Variants in NBEA observed in about 807,000 individuals in gnomAD.
NBEA encodes the protein lysosomal-trafficking regulator 2.
A neutral mutation model predicts 343.4 loss-of-function variants in NBEA; 44 were observed. The ratio of observed to expected loss-of-function variants is 0.13; its 90% confidence interval spans 0.10 to 0.16. NBEA has a LOEUF of 0.16. Among genes scored for constraint, NBEA ranks in the 10% least tolerant of loss-of-function variants. The pLI is 1.00. For synonymous variants in NBEA, 1,175 were observed against 1,238.7 expected (o/e 0.95, Z 1.08); for missense variants, 2,555 against 3,631.3 (o/e 0.70, Z 7.62).
At chr13:35,319,520 G>A (rs2037986332) in intron 36 of NBEA, among the ~76,000 whole-genome samples, 1 of 152,128 alleles carries the variant, frequency 6.6e-6, no homozygotes, top group South Asian at 2.1e-4. Flanking sequence ...CAATTATGCA[G>A]CCAATTTTAG....
At chr13:35,251,285 A>G in intron 34 of NBEA, 1 of 600,250 alleles carries the variant, frequency 1.7e-6, no homozygotes, top group Non-Finnish European at 2.2e-6. Context: ...TAGCAGATTC[A>G]TAGTATGCCA....
At chr13:35,607,872 G>A (rs934751894) in intron 48 of NBEA, among the ~76,000 whole-genome samples, 3 of 151,916 alleles carry the variant, frequency 2.0e-5, no homozygotes, top group African/African-American at 4.8e-5. Flanking sequence ...CATCTTCCCC[G>A]ATTTTTCCTG....
chr13:35,453,030 C>G (rs1248401473), intron 40 of NBEA, among the ~76,000 whole-genome samples: 1 of 152,204 alleles, frequency 6.6e-6, no homozygotes, highest in Non-Finnish European at 1.5e-5. Context: ...TCTATACTTG[C>G]AGCCCACACA....
intron 56 of NBEA, 48 bp from the exon 57 acceptor site, chr13:35,667,326 C>G (rs765067965): frequency 4.0e-6 from 6 of 1,509,126 alleles, no homozygotes; most frequent in Non-Finnish European, 5.5e-6. Context: ...GCTAGTATGT[C>G]GTTTGTCGTC....
chr13:34,947,746 A>G (rs965423326), intron 1 of NBEA, among the ~76,000 whole-genome samples: 1 of 152,220 alleles, frequency 6.6e-6, no homozygotes, highest in African/African-American at 2.4e-5. Flanking sequence ...ACACTGTATT[A>G]GGCAGTAATG....
intron 39 of NBEA, among the ~76,000 whole-genome samples, chr13:35,451,874 T>C (rs930230708): frequency 3.3e-5 from 5 of 152,168 alleles, no homozygotes; most frequent in African/African-American, 4.8e-5. Flanking sequence ...TCTGCCTGTT[T>C]CCTCATCTTT....
At chr13:35,058,169 T>C (rs1566221271) in intron 7 of NBEA, among the ~76,000 whole-genome samples, 1 of 152,104 alleles carries the variant, frequency 6.6e-6, no homozygotes, top group East Asian at 1.9e-4. Context: ...ATCTTAGTCT[T>C]ATTGTTTATT....
chr13:35,325,163 A>T (rs186210010), intron 36 of NBEA, among the ~76,000 whole-genome samples: 83 of 152,152 alleles, frequency 5.5e-4, no homozygotes, highest in African/African-American at 1.8e-3. Context: ...TTTTTAAAAG[A>T]ATTACTCATA....
At chr13:35,335,354 A>T (rs753220645) in intron 36 of NBEA, among the ~76,000 whole-genome samples, 1 of 152,052 alleles carries the variant, frequency 6.6e-6, no homozygotes, top group Non-Finnish European at 1.5e-5. Context: ...AAATTTGACC[A>T]TTGGCTTTTT....
At chr13:35,087,882 G>T (rs1270602696) in intron 10 of NBEA, among the ~76,000 whole-genome samples, 1 of 151,892 alleles carries the variant, frequency 6.6e-6, no homozygotes, top group Non-Finnish European at 1.5e-5. Context: ...TGAAGATTTT[G>T]AAGTAGGAGG....
At chr13:35,523,049 A>T (rs976303549) in intron 41 of NBEA, among the ~76,000 whole-genome samples, 29 of 152,206 alleles carry the variant, frequency 1.9e-4, no homozygotes, top group African/African-American at 6.0e-4. Flanking sequence ...ATATTTACAG[A>T]TGAGTCCCAA....
chr13:35,124,256 T>C (rs1371384244), intron 17 of NBEA, among the ~76,000 whole-genome samples: 1 of 150,604 alleles, frequency 6.6e-6, no homozygotes, highest in Non-Finnish European at 1.5e-5. Context: ...CGCCCTTGTT[T>C]TTTTTTTTTT....
rs75151943 is a variant in NBEA, at chr13:35,105,917, T to A, written c.1681-3373T>A. On this transcript the variant is annotated intron_variant, in intron 11 of 58. Transcript: ENST00000379939. The stretch of plus-strand genomic sequence containing the variant: ...TTTCTACAATAAAAATGAACATTTC[T>A]GATAACCTGTTCTATTATGGGCTAA... 3.2e-3 allele frequency among the ~76,000 whole-genome samples: 492 copies of A among 152,210 alleles called. 6 individuals are homozygous for A. The highest frequency in any genetic ancestry group is 0.024 in the East Asian group (125 of 5,188).
chr13:35,360,487 A>AT (rs2040748695), intron 38 of NBEA, among the ~76,000 whole-genome samples: 1 of 152,084 alleles, frequency 6.6e-6, no homozygotes, highest in Non-Finnish European at 1.5e-5. Context: ...CTCAATATAC[A>AT]AAGGAAAATC....
At chr13:35,664,607 A>T (rs574668839) in intron 55 of NBEA, among the ~76,000 whole-genome samples, 10 of 152,366 alleles carry the variant, frequency 6.6e-5, no homozygotes, top group Non-Finnish European at 1.3e-4. Flanking sequence ...CTAGGTTCGC[A>T]CTAATAAAGT....
At chr13:35,441,869 C>T (rs1303749038) in intron 39 of NBEA, among the ~76,000 whole-genome samples, 1 of 149,880 alleles carries the variant, frequency 6.7e-6, no homozygotes, top group African/African-American at 2.5e-5. Flanking sequence ...GGTAATGTCA[C>T]TTACTGTGCA....
At chr13:35,605,435 AT>A (rs2082245305) in intron 47 of NBEA, among the ~76,000 whole-genome samples, 1 of 152,108 alleles carries the variant, frequency 6.6e-6, no homozygotes, top group Admixed American at 6.6e-5. Context: ...GGTGGTTTTA[AT>A]TTTTTCTATG....
At chr13:35,139,743 C>CTTTT (rs1566350012) in intron 17 of NBEA, among the ~76,000 whole-genome samples, 1 of 55,134 alleles carries the variant, frequency 1.8e-5, no homozygotes, top group Non-Finnish European at 3.4e-5. Context: ...TGATGGATGG[C>CTTTT]GTTTTTTTTT....
At chr13:35,647,224 GA>G (rs1246354029) in intron 51 of NBEA, among the ~76,000 whole-genome samples, 2 of 152,010 alleles carry the variant, frequency 1.3e-5, no homozygotes, top group Admixed American at 6.6e-5. Context: ...AATTTCTTTA[GA>G]ATTTTTTTTA....
Sources: gnomAD v4.1 joint callset for allele counts (sites outside exome capture counted in the v4.1 genomes callset) on GRCh38, gnomAD v4.1.1 for gene constraint, MANE v1.5 for transcripts, NCBI Gene and HGNC (gene_info 2026-07-23, HGNC 2026-07-21) for gene names.